RBFOX1: variants seen among roughly 807,000 people sequenced by gnomAD.
RBFOX1 encodes the protein RNA binding fox-1 homolog 1.
RBFOX1 carries 8 observed loss-of-function variants against 57.7 expected under a neutral mutation model. That is an observed-to-expected ratio of 0.14 (90% CI 0.08 to 0.25). The LOEUF is 0.25. Among genes scored for constraint, RBFOX1 ranks in the 10% least tolerant of loss-of-function variants. RBFOX1 has a pLI of 1.00. For synonymous variants in RBFOX1, 326 were observed against 222.4 expected, an observed-to-expected ratio of 1.47 and a Z score of -4.15; for missense variants, 611 against 548.5, an observed-to-expected ratio of 1.11 and a Z score of -1.14.
intron 3 of RBFOX1, among the ~76,000 whole-genome samples, chr16:5,793,968 A>G (rs982881123): frequency 3.9e-5 from 6 of 152,214 alleles, no homozygotes; most frequent in African/African-American, 1.4e-4. Flanking sequence ...GTTAATATGT[A>G]AAATCATGAA....
rs867215403 is a variant in RBFOX1, at chr16:7,224,672, C to T, written c.27+172574C>T. Among the ~76,000 whole-genome samples, 6 of 152,250 alleles carry T rather than the reference C, an allele frequency of 3.9e-5. No individual in the cohort carries two copies. The South Asian group carries it at 1.0e-3, about 26-fold the overall frequency. On this transcript the variant is annotated intron_variant, in intron 4 of 15. Transcript: ENST00000550418. ...TTTTGGTTAAAATAAAGTAGAAAGA[C>T]CAAATAAGTGATATTTGGGGAGAGC...
At position 7,315,963 on chromosome 16, in the gene RBFOX1, G is replaced by C. The variant is rs58803454; in HGVS notation, c.28-202184G>C. 4.1e-4 allele frequency among the ~76,000 whole-genome samples: 63 copies of C among 152,246 alleles called. No individual in the cohort carries two copies. In the East Asian group the frequency reaches 9.5e-3, roughly 23 times the overall value. ...AGAAACAAGCTGAACCCATATTACA[G>C]CATTTTGTAAAGACCCATTATGCAA... On this transcript the variant is annotated intron_variant, in intron 4 of 15. Transcript: ENST00000550418.
At chr16:6,265,999 G>T (rs2074441167) in intron 1 of RBFOX1, among the ~76,000 whole-genome samples, 1 of 152,078 alleles carries the variant, frequency 6.6e-6, no homozygotes, top group South Asian at 2.1e-4. Flanking sequence ...TTCTCTTTTT[G>T]TGGTATTTCT....
At chr16:5,949,063 G>C (rs2059463753) in intron 4 of RBFOX1, among the ~76,000 whole-genome samples, 1 of 152,062 alleles carries the variant, frequency 6.6e-6, no homozygotes, top group Non-Finnish European at 1.5e-5. Flanking sequence ...ACTCTTTGAA[G>C]GTAATTGGAG....
At chr16:5,410,597 A>T (rs2066994550) in intron 1 of RBFOX1, among the ~76,000 whole-genome samples, 1 of 152,158 alleles carries the variant, frequency 6.6e-6, no homozygotes, top group South Asian at 2.1e-4. Context: ...GTAGCTTGTC[A>T]CTCAAGGTCT....
chr16:6,865,789 A>G (rs180796491), intron 3 of RBFOX1, among the ~76,000 whole-genome samples: 62 of 152,320 alleles, frequency 4.1e-4, no homozygotes, highest in African/African-American at 1.4e-3. Context: ...ATTTGTAAGC[A>G]GTATTAGATA....
intron 2 of RBFOX1, among the ~76,000 whole-genome samples, chr16:6,455,603 T>C (rs1362300966): frequency 6.6e-6 from 1 of 152,222 alleles, no homozygotes; most frequent in South Asian, 2.1e-4. Context: ...AGACCAGTAG[T>C]GCTGAAAGGC....
At position 6,771,986 on chromosome 16, in the gene RBFOX1, A is replaced by T. The variant is rs570684693; in HGVS notation, c.-16+117336A>T. Among the ~76,000 whole-genome samples, 9 of 152,286 alleles carry T rather than the reference A, an allele frequency of 5.9e-5. No individual in the cohort carries two copies. In the South Asian group the frequency reaches 1.9e-3, roughly 32 times the overall value. On this transcript the variant is annotated intron_variant, in intron 3 of 15. Coordinates refer to ENST00000550418, the MANE Select transcript of RBFOX1 (RefSeq NM_018723.4). ...AAGATCCTCAAAATAATTGAAACGG[A>T]AAGACTCCCTTCGGCTCTTTCTGCC...
intron 3 of RBFOX1, among the ~76,000 whole-genome samples, chr16:5,841,465 T>TGG: frequency 6.6e-6 from 1 of 152,216 alleles, no homozygotes; most frequent in African/African-American, 2.4e-5. Context: ...TTCCTCACCT[T>TGG]GTCCCTCCCA....
intron 4 of RBFOX1, among the ~76,000 whole-genome samples, chr16:7,462,517 A>C (rs1225002524): frequency 6.6e-6 from 1 of 152,096 alleles, no homozygotes; most frequent in African/African-American, 2.4e-5. Flanking sequence ...AAACAAAAAA[A>C]CCCGCCATGT....
chr16:6,489,858 G>A (rs978827849), intron 2 of RBFOX1, among the ~76,000 whole-genome samples: 2 of 152,158 alleles, frequency 1.3e-5, no homozygotes, highest in African/African-American at 4.8e-5. Context: ...TAATGTACAG[G>A]AGGGCACAAT....
chr16:7,569,260 G>A (rs2092503498), intron 5 of RBFOX1, among the ~76,000 whole-genome samples: 1 of 152,174 alleles, frequency 6.6e-6, no homozygotes, highest in Admixed American at 6.5e-5. Context: ...CTGGAGATCA[G>A]AAGTGTAGCA....
chr16:6,044,703 CCTT>C (rs2095477013), intron 1 of RBFOX1, among the ~76,000 whole-genome samples: 1 of 152,104 alleles, frequency 6.6e-6, no homozygotes, highest in Non-Finnish European at 1.5e-5. Context: ...TATATAATGG[CCTT>C]CTGTGCATTC....
At chr16:5,570,463 G>T (rs567443415) in intron 2 of RBFOX1, among the ~76,000 whole-genome samples, 1 of 152,182 alleles carries the variant, frequency 6.6e-6, no homozygotes, top group East Asian at 1.9e-4. Flanking sequence ...CATTTGATAA[G>T]TTGTAGCCAT....
In RBFOX1 at chr16:6,137,606, AT is replaced by A. The variant is rs57190040; in HGVS notation, c.-127+117641del. 9.3e-3 allele frequency among the ~76,000 whole-genome samples: 910 copies of A among 98,340 alleles called. 3 individuals are homozygous for A. Among genetic ancestry groups the A allele is most frequent in the African/African-American group, 0.026 (569 of 21,958 alleles). 64.5% of individuals were successfully genotyped at this position (98,340 alleles called of 152,430 possible). A position where few individuals can be genotyped will look rare whatever the true frequency, so the allele number is the denominator to read the frequency against. On this transcript the variant is annotated intron_variant, in intron 1 of 15. Transcript: ENST00000550418. ...TAGGTGTGAGGCACTGCGCCTGGTC[AT>A]TTTTTTTTTTTTTTTTTTTTTTTTT...
chr16:7,677,581 A>T (rs1244941264), intron 14 of RBFOX1, among the ~76,000 whole-genome samples: 1 of 152,184 alleles, frequency 6.6e-6, no homozygotes, highest in Non-Finnish European at 1.5e-5. Flanking sequence ...TTCCTGAAAC[A>T]GCAAGCCGTA....
chr16:7,379,745 C>T (rs1417857249), intron 4 of RBFOX1, among the ~76,000 whole-genome samples: 1 of 151,630 alleles, frequency 6.6e-6, no homozygotes, highest in Non-Finnish European at 1.5e-5. Flanking sequence ...TGCCTGCCTG[C>T]TTGCCTGCCT....
chr16:5,599,181 G>A (rs775408998), exon 3 of RBFOX1: 7 of 705,078 alleles, frequency 9.9e-6, no homozygotes, highest in Admixed American at 8.0e-5. Flanking sequence ...TGGTGTGAGA[G>A]CTGTATTCTG....
chr16:6,649,948 C>G (rs533691556), intron 2 of RBFOX1, among the ~76,000 whole-genome samples: 1 of 152,214 alleles, frequency 6.6e-6, no homozygotes, highest in African/African-American at 2.4e-5. Flanking sequence ...ATTTTTGCCA[C>G]TGTGAATTGT....
Sources: gnomAD v4.1 joint callset for allele counts (sites outside exome capture counted in the v4.1 genomes callset) on GRCh38, gnomAD v4.1.1 for gene constraint, MANE v1.5 for transcripts, NCBI Gene and HGNC (gene_info 2026-07-23, HGNC 2026-07-21) for gene names.